BACH2: variants seen among roughly 807,000 people sequenced by gnomAD.
BACH2 encodes the protein BACH transcriptional regulator 2, also known as transcription regulator protein BACH2.
Under a neutral mutation model 61.8 loss-of-function variants are expected in BACH2, and 5 were observed. That is an observed-to-expected ratio of 0.08 (90% confidence interval 0.04 to 0.17). BACH2 has a LOEUF of 0.17. BACH2 is among the 10% of genes least tolerant of loss of function. BACH2 has a pLI of 1.00. For missense variants in BACH2, 824 were observed against 1,091.1 expected (o/e 0.76, Z 3.45); for synonymous variants, 446 against 440.1 (o/e 1.01, Z -0.17).
intron 5 of BACH2, among the ~76,000 whole-genome samples, chr6:90,046,531 G>A (rs1210230318): frequency 6.6e-6 from 1 of 152,150 alleles, no homozygotes; most frequent in Non-Finnish European, 1.5e-5. Context: ...ATACAAAGAT[G>A]AATATGGTAC....
At chr6:90,038,443 TTA>T (rs1324022414) in intron 5 of BACH2, among the ~76,000 whole-genome samples, 2 of 152,232 alleles carry the variant, frequency 1.3e-5, no homozygotes, top group African/African-American at 2.4e-5. Flanking sequence ...GTGCTCAACA[TTA>T]TGTTTGTGAG....
At chr6:90,270,043 G>A (rs1562535511) in intron 2 of BACH2, among the ~76,000 whole-genome samples, 1 of 152,076 alleles carries the variant, frequency 6.6e-6, no homozygotes, top group Non-Finnish European at 1.5e-5. Flanking sequence ...CATCCAGATT[G>A]CTGTGAATGC....
At chr6:90,243,047 T>C (rs1414974429) in intron 3 of BACH2, among the ~76,000 whole-genome samples, 1 of 76,226 alleles carries the variant, frequency 1.3e-5, no homozygotes, top group East Asian at 2.4e-4. Flanking sequence ...GCCCGGCTAA[T>C]TTTTTTTTTT....
At chr6:89,948,391 A>G (rs901797440) in intron 7 of BACH2, among the ~76,000 whole-genome samples, 1 of 151,908 alleles carries the variant, frequency 6.6e-6, no homozygotes, top group Admixed American at 6.6e-5. Flanking sequence ...TATTTTTGGT[A>G]GAGATGGGGT....
intron 4 of BACH2, among the ~76,000 whole-genome samples, chr6:90,196,707 C>T (rs1367504083): frequency 1.3e-5 from 2 of 152,052 alleles, no homozygotes; most frequent in Admixed American, 6.6e-5. Flanking sequence ...ATCACTATGA[C>T]ACGCGATGAT....
In BACH2 at chr6:89,951,949, G is replaced by A. The variant is rs1774155552; in HGVS notation, c.244-87C>T. The A allele has an allele frequency of 6.8e-7, 1 of 1,460,646 alleles. No individual in the cohort carries two copies. The highest frequency in any genetic ancestry group is 9.3e-7 in the Non-Finnish European group (1 of 1,073,958). 90.5% of individuals were successfully genotyped at this position (1,460,646 alleles called of 1,614,324 possible). A position where few individuals can be genotyped will look rare whatever the true frequency, so the allele number is the denominator to read the frequency against. On this transcript the variant is annotated intron_variant, in intron 6 of 8. Transcript: ENST00000257749. The surrounding 1 kb of genome is among the most constrained non-coding windows in gnomAD (Gnocchi z 6.4). ...TCAACTGAAGCAAGATAACCAGACA[G>A]TGCTAATGTCCCAGAATAAAGACTG...
chr6:90,291,712 T>C (rs542560212), intron 1 of BACH2, among the ~76,000 whole-genome samples: 132 of 152,254 alleles, frequency 8.7e-4, no homozygotes, highest in African/African-American at 3.0e-3. Flanking sequence ...CATGAACAGT[T>C]TGTAAATATT....
chr6:90,044,361 G>A (rs1779682462), intron 5 of BACH2, among the ~76,000 whole-genome samples: 1 of 152,198 alleles, frequency 6.6e-6, no homozygotes, highest in African/African-American at 2.4e-5. Flanking sequence ...CCCTACAGCA[G>A]GAGTAGGCTT....
Position 89,932,534 on chromosome 6 carries a change from G to T in BACH2, c.2400C>A (p.Asp800Glu), listed in dbSNP as rs759143305. The change falls in exon 9 of 9, where the codon GAC (aspartate) becomes GAA (glutamate). Residue 800 changes from aspartate (D) to glutamate (E), a missense_variant. Physicochemically the swap from Asp to Glu is conservative, Grantham distance 45. Coordinates refer to ENST00000257749, the MANE Select transcript of BACH2 (RefSeq NM_021813.4). ...CTSGRRLEGT[D>E]PGTFSERGPP... is the part of the protein sequence containing the mutation. ...GTCCTCTCTCTGAGAAGGTTCCCGG[G>T]TCAGTGCCTTCTAGTCTCCTCCCAG... 2.5e-6 allele frequency: 4 copies of T among 1,613,972 alleles called. No homozygotes were observed. Among genetic ancestry groups the T allele is most frequent in the Admixed American group, 1.7e-5 (1 of 59,988 alleles).
At chr6:90,236,157 T>C (rs925145389) in intron 3 of BACH2, among the ~76,000 whole-genome samples, 2 of 152,248 alleles carry the variant, frequency 1.3e-5, no homozygotes, top group Admixed American at 6.5e-5. Flanking sequence ...AACTCATTCC[T>C]TCATTCATTT....
At chr6:89,967,578 G>A (rs913068511) in intron 6 of BACH2, among the ~76,000 whole-genome samples, 1 of 152,148 alleles carries the variant, frequency 6.6e-6, no homozygotes, top group Non-Finnish European at 1.5e-5. Flanking sequence ...CTCATCCACA[G>A]TAGTTTAATG....
intron 5 of BACH2, among the ~76,000 whole-genome samples, chr6:90,014,187 T>C (rs12527154): frequency 0.14 from 21,667 of 151,792 alleles, 1,789 homozygotes; most frequent in African/African-American, 0.2. Flanking sequence ...TTTTCTTACA[T>C]AGTTTTTCTG....
At chr6:90,255,662 T>C (rs565586830) in intron 2 of BACH2, among the ~76,000 whole-genome samples, 1 of 152,290 alleles carries the variant, frequency 6.6e-6, no homozygotes, top group African/African-American at 2.4e-5. Flanking sequence ...TAATGAGCAT[T>C]GCATACCACC....
At chr6:89,965,567 T>A (rs1443544956) in intron 6 of BACH2, among the ~76,000 whole-genome samples, 1 of 152,096 alleles carries the variant, frequency 6.6e-6, no homozygotes, top group Non-Finnish European at 1.5e-5. Context: ...CACCCTAGAG[T>A]CTCAATAACT....
intron 4 of BACH2, among the ~76,000 whole-genome samples, chr6:90,193,397 C>A (rs115381333): frequency 6.6e-6 from 1 of 152,108 alleles, no homozygotes; most frequent in Admixed American, 6.5e-5. Flanking sequence ...TGAAGAGACT[C>A]GGGAAAAGGT....
chr6:90,106,970 G>T (rs1226491184), intron 4 of BACH2, among the ~76,000 whole-genome samples: 1 of 152,160 alleles, frequency 6.6e-6, no homozygotes, highest in Non-Finnish European at 1.5e-5. Context: ...GTTGTTTCTA[G>T]TTCCTTCAAA....
At chr6:90,197,669 G>A (rs1038997059) in intron 4 of BACH2, among the ~76,000 whole-genome samples, 1 of 152,176 alleles carries the variant, frequency 6.6e-6, no homozygotes, top group Non-Finnish European at 1.5e-5. Flanking sequence ...TACTGAGGCT[G>A]CATGGCTGTT....
intron 5 of BACH2, among the ~76,000 whole-genome samples, chr6:90,066,393 C>G (rs1780966926): frequency 6.6e-6 from 1 of 152,108 alleles, no homozygotes; most frequent in Non-Finnish European, 1.5e-5. Flanking sequence ...ATGAAGGACA[C>G]TGACTTTCAG....
At chr6:90,255,903 C>T (rs964308934) in intron 2 of BACH2, among the ~76,000 whole-genome samples, 8 of 152,224 alleles carry the variant, frequency 5.3e-5, no homozygotes, top group Admixed American at 4.6e-4. Context: ...AAACCAGCAA[C>T]ACACAGAGTG....
Sources: gnomAD v4.1 joint callset for allele counts (sites outside exome capture counted in the v4.1 genomes callset) on GRCh38, gnomAD v4.1.1 for gene constraint, Gnocchi (gnomAD v3.1) non-coding constraint, MANE v1.5 for transcripts, NCBI Gene and HGNC (gene_info 2026-07-23, HGNC 2026-07-21) for gene names.